The following TUNAR variants were observed in gnomAD, a reference collection of about 807,000 sequenced individuals.
TUNAR encodes transmembrane neural differentiation associated intracellular calcium regulator.
chr14:95,887,385 T>C (rs1320619990), intron 2 of TUNAR, among the ~76,000 whole-genome samples: 1 of 152,206 alleles, frequency 6.6e-6, no homozygotes, highest in African/African-American at 2.4e-5. Flanking sequence ...GCTGAGCTTT[T>C]GGGGCAGCCT....
chr14:95,914,410 T>C (rs906884720), intron 2 of TUNAR, among the ~76,000 whole-genome samples: 1 of 152,208 alleles, frequency 6.6e-6, no homozygotes, highest in African/African-American at 2.4e-5. Flanking sequence ...TGGCATACTG[T>C]GGTGACCCCA....
intron 2 of TUNAR, among the ~76,000 whole-genome samples, chr14:95,879,888 C>T (rs1888951835): frequency 6.6e-6 from 1 of 152,180 alleles, no homozygotes; most frequent in Non-Finnish European, 1.5e-5. Flanking sequence ...TAAGTCAGGG[C>T]TTGAGACCAT....
intron 2 of TUNAR, among the ~76,000 whole-genome samples, chr14:95,887,060 T>C (rs1889089451): frequency 6.6e-6 from 1 of 152,194 alleles, no homozygotes; most frequent in Non-Finnish European, 1.5e-5. Flanking sequence ...TGTCAGGATC[T>C]GGGCATGGAA....
At chr14:95,902,247 A>G (rs1476238224) in intron 2 of TUNAR, among the ~76,000 whole-genome samples, 1 of 152,096 alleles carries the variant, frequency 6.6e-6, no homozygotes, top group Non-Finnish European at 1.5e-5. Flanking sequence ...ATTGGATCAA[A>G]ATTGTAAGCT....
chr14:95,923,778 G>C (rs1889738633), exon 3 of TUNAR: 1 of 152,042 alleles, frequency 6.6e-6, no homozygotes, highest in Non-Finnish European at 1.5e-5. Context: ...TTCCCATACT[G>C]TCAGCCATGG....
At chr14:95,912,040 C>T (rs1458803863) in intron 2 of TUNAR, among the ~76,000 whole-genome samples, 1 of 152,170 alleles carries the variant, frequency 6.6e-6, no homozygotes, top group East Asian at 1.9e-4. Context: ...TGCATACCGG[C>T]GTTGTTCTTG....
chr14:95,882,644 G>T (rs1462063326), intron 2 of TUNAR, among the ~76,000 whole-genome samples: 2 of 152,170 alleles, frequency 1.3e-5, no homozygotes, highest in African/African-American at 4.8e-5. Flanking sequence ...CTTGGTGAGG[G>T]TCAGTGTATT....
intron 2 of TUNAR, among the ~76,000 whole-genome samples, chr14:95,898,839 G>A (rs1889303583): frequency 6.6e-6 from 1 of 152,092 alleles, no homozygotes; most frequent in Admixed American, 6.5e-5. Flanking sequence ...TGATTGTTTT[G>A]ACTCTGCTCT....
exon 3 of TUNAR, chr14:95,922,837 A>G (rs1889718884): frequency 5.0e-6 from 2 of 399,100 alleles, no homozygotes; most frequent in African/African-American, 4.1e-5. Context: ...TCACTAGTGA[A>G]AATGATGAAG....
At chr14:95,914,324 T>C (rs1889568064) in intron 2 of TUNAR, among the ~76,000 whole-genome samples, 1 of 152,200 alleles carries the variant, frequency 6.6e-6, no homozygotes, top group Non-Finnish European at 1.5e-5. Context: ...ATGTAAATAC[T>C]AAGTCCTATT....
chr14:95,909,126 G>A (rs1889472317), intron 2 of TUNAR, among the ~76,000 whole-genome samples: 1 of 152,128 alleles, frequency 6.6e-6, no homozygotes, highest in African/African-American at 2.4e-5. Flanking sequence ...AGGAAATTTT[G>A]ATTAATTTAC....
intron 2 of TUNAR, among the ~76,000 whole-genome samples, chr14:95,900,472 G>A (rs559976190): frequency 3.3e-5 from 5 of 151,044 alleles, no homozygotes; most frequent in South Asian, 2.1e-4. Flanking sequence ...AGGAGTCAGA[G>A]GCTCACAAGT....
chr14:95,883,448 G>A (rs180835336), intron 2 of TUNAR, among the ~76,000 whole-genome samples: 59 of 152,192 alleles, frequency 3.9e-4, no homozygotes, highest in African/African-American at 1.4e-3. Flanking sequence ...AGGGACAACA[G>A]TTTAACAAAC....
intron 2 of TUNAR, among the ~76,000 whole-genome samples, chr14:95,893,149 C>G (rs1455998038): frequency 6.6e-6 from 1 of 152,030 alleles, no homozygotes; most frequent in Non-Finnish European, 1.5e-5. Context: ...CAGAGAGTTT[C>G]GTGAGGGTCC....
intron 2 of TUNAR, among the ~76,000 whole-genome samples, chr14:95,905,541 C>T (rs1410867498): frequency 6.6e-6 from 1 of 152,202 alleles, no homozygotes; most frequent in East Asian, 1.9e-4. Context: ...CTTCTTGGTG[C>T]CCCCTATCGG....
Position 95,909,724 on chromosome 14 carries a change from C to T in TUNAR, c.13-13057C>T, listed in dbSNP as rs61984887. Among the ~76,000 whole-genome samples, 1,362 of 152,292 alleles carry T rather than the reference C, an allele frequency of 8.9e-3. 17 individuals are homozygous for T. The highest frequency in any genetic ancestry group is 0.011 in the Non-Finnish European group (748 of 68,028). On this transcript the variant is annotated intron_variant, in intron 2 of 2. Coordinates refer to ENST00000678517, the Ensembl canonical transcript of TUNAR. ...CACTGCGGCTGCCCCAGGCCAGGCT[C>T]AGGGGCCAGAGGACATGGAGGTGAA...
chr14:95,896,594 G>A (rs767146441), intron 2 of TUNAR, among the ~76,000 whole-genome samples: 9 of 152,122 alleles, frequency 5.9e-5, no homozygotes, highest in African/African-American at 1.2e-4. Context: ...TTTTCTTTTC[G>A]CAAAAGTGGA....
chr14:95,891,449 G>A (rs942932788), intron 2 of TUNAR, among the ~76,000 whole-genome samples: 6 of 152,172 alleles, frequency 3.9e-5, no homozygotes, highest in African/African-American at 1.4e-4. Context: ...ACCCCTTCGG[G>A]GGCACAGGTC....
chr14:95,883,140 G>C (rs1236555897), intron 2 of TUNAR, among the ~76,000 whole-genome samples: 1 of 152,194 alleles, frequency 6.6e-6, no homozygotes, highest in Non-Finnish European at 1.5e-5. Context: ...ATCTGAAAAG[G>C]AGGAGTGGAA....
Sources: allele counts gnomAD v4.1 joint callset (sites outside exome capture counted in the v4.1 genomes callset), GRCh38; gene constraint gnomAD v4.1.1; transcripts MANE v1.5; gene names NCBI Gene and HGNC (gene_info 2026-07-23, HGNC 2026-07-21).